The following CACNA2D1 variants were observed in gnomAD, a reference collection of about 807,000 sequenced individuals.
The protein encoded by CACNA2D1 is voltage-dependent calcium channel subunit alpha-2/delta-1.
In CACNA2D1, 53 loss-of-function variants were observed where a neutral mutation model predicts 171.5. The ratio of observed to expected loss-of-function variants is 0.31; its 90% CI spans 0.25 to 0.39. The LOEUF (loss-of-function observed/expected upper bound fraction) is 0.39. CACNA2D1 is among the 10% of genes least tolerant of loss of function. The probability of loss-of-function intolerance (pLI) is 1.00; values close to 1 mark genes in which losing one functional copy is unlikely to be tolerated. For synonymous variants in CACNA2D1, 442 were observed against 443.1 expected, an observed-to-expected ratio of 1.00 and a Z score of 0.03; for missense variants, 903 against 1,299.8, an observed-to-expected ratio of 0.69 and a Z score of 4.69.
intron 31 of CACNA2D1, 52 bp downstream of exon 31, chr7:81,967,117 A>C (rs1289888214): frequency 7.3e-7 from 1 of 1,360,822 alleles, no homozygotes; most frequent in Non-Finnish European, 1.0e-6. Context: ...TCTTAGCAAG[A>C]GTAACACAAG....
intron 15 of CACNA2D1, among the ~76,000 whole-genome samples, chr7:82,008,098 T>C (rs896648601): frequency 2.0e-5 from 3 of 152,148 alleles, no homozygotes. Context: ...ATAGTTCACC[T>C]AATATCAGGG....
At chr7:81,972,419 T>C (rs1795374869) in intron 25 of CACNA2D1, among the ~76,000 whole-genome samples, 1 of 151,742 alleles carries the variant, frequency 6.6e-6, no homozygotes, top group Admixed American at 6.6e-5. Flanking sequence ...TTGGAGTAAA[T>C]AAGACTATGA....
intron 10 of CACNA2D1, among the ~76,000 whole-genome samples, chr7:82,045,917 C>T (rs576615784): frequency 7.2e-5 from 11 of 152,188 alleles, no homozygotes; most frequent in African/African-American, 2.4e-4. Context: ...TTCCCTGACG[C>T]ACTTTTCTCT....
intron 12 of CACNA2D1, among the ~76,000 whole-genome samples, chr7:82,032,273 A>G (rs187359077): frequency 6.6e-6 from 1 of 152,020 alleles, no homozygotes; most frequent in Non-Finnish European, 1.5e-5. Context: ...CATTATACCT[A>G]TAAAAGGATT....
intron 1 of CACNA2D1, among the ~76,000 whole-genome samples, chr7:82,382,035 A>C (rs549525877): frequency 2.0e-5 from 3 of 152,216 alleles, no homozygotes; most frequent in Admixed American, 6.5e-5. Flanking sequence ...TAAGAAAAAA[A>C]CATATCAGGG....
At chr7:82,109,338 A>G (rs1347888623) in intron 6 of CACNA2D1, among the ~76,000 whole-genome samples, 1 of 152,150 alleles carries the variant, frequency 6.6e-6, no homozygotes, top group African/African-American at 2.4e-5. Flanking sequence ...CACACTTGTG[A>G]CAAATACCAA....
At chr7:82,100,844 G>A (rs554900532) in intron 6 of CACNA2D1, among the ~76,000 whole-genome samples, 1 of 148,188 alleles carries the variant, frequency 6.7e-6, no homozygotes, top group African/African-American at 2.5e-5. Flanking sequence ...TTTTTTTTCT[G>A]GCAAATGCTG....
intron 21 of CACNA2D1, among the ~76,000 whole-genome samples, chr7:81,985,094 C>T (rs1430996241): frequency 6.6e-6 from 1 of 151,554 alleles, no homozygotes; most frequent in African/African-American, 2.4e-5. Flanking sequence ...ATACATAATA[C>T]CATTTGGACA....
chr7:82,085,431 A>G (rs1810338989), intron 6 of CACNA2D1, among the ~76,000 whole-genome samples: 1 of 151,864 alleles, frequency 6.6e-6, no homozygotes, highest in Non-Finnish European at 1.5e-5. Context: ...GAGGAAACCT[A>G]TGGGGCACCT....
chr7:82,399,141 C>G (rs1037351751), intron 1 of CACNA2D1, among the ~76,000 whole-genome samples: 3 of 151,898 alleles, frequency 2.0e-5, no homozygotes, highest in Non-Finnish European at 4.4e-5. Flanking sequence ...AAAAGGAACT[C>G]TTGTTTCCAC....
intron 3 of CACNA2D1, among the ~76,000 whole-genome samples, chr7:82,306,857 C>T (rs1194170398): frequency 2.2e-5 from 3 of 137,526 alleles, no homozygotes; most frequent in African/African-American, 8.7e-5. Flanking sequence ...AGCTCTCTTA[C>T]TGGTATCTAC....
chr7:82,274,143 C>T (rs1215720327), intron 3 of CACNA2D1, among the ~76,000 whole-genome samples: 1 of 152,090 alleles, frequency 6.6e-6, no homozygotes, highest in Non-Finnish European at 1.5e-5. Flanking sequence ...AGAGCCTGCG[C>T]ACTAACCCCT....
rs139439725 is a variant in CACNA2D1, at chr7:82,007,714, T to C, written c.1405A>G (p.Ile469Val). 1.2e-4 allele frequency: 190 copies of C among 1,600,974 alleles called. 1 individual carries two copies. Among genetic ancestry groups the C allele is most frequent in the Non-Finnish European group, 5.2e-5 (61 of 1,168,350 alleles). ...GTCTTATTTTCAAATTGGCCGGTTA[T>C]GTTGAAGACCGGAAGAGTTCCAGTA... ...VITGTLPVFN[I>V]TGQFENKTNL... The change falls in exon 16 of 39, where the codon ATA becomes GTA. Residue 469 changes from isoleucine to valine, a missense_variant. By Grantham distance (29) the Ile-to-Val change is conservative. This residue lies in a region of CACNA2D1 where 623 missense variants were observed against 925.5 expected (regional missense o/e 0.67). Coordinates refer to ENST00000356860, the MANE Select transcript of CACNA2D1 (RefSeq NM_000722.4).
At chr7:82,256,526 G>T (rs1430885325) in intron 3 of CACNA2D1, among the ~76,000 whole-genome samples, 3 of 152,094 alleles carry the variant, frequency 2.0e-5, no homozygotes, top group Non-Finnish European at 4.4e-5. Flanking sequence ...TGTAATCATT[G>T]CATGCCTACA....
chr7:82,201,058 A>G (rs1799377038), intron 3 of CACNA2D1, among the ~76,000 whole-genome samples: 2 of 152,194 alleles, frequency 1.3e-5, no homozygotes, highest in African/African-American at 4.8e-5. Context: ...AGGTGACTCT[A>G]TTCATTTCTA....
At chr7:82,181,090 T>G (rs1308914009) in intron 3 of CACNA2D1, among the ~76,000 whole-genome samples, 2 of 116,808 alleles carry the variant, frequency 1.7e-5, no homozygotes, top group African/African-American at 6.9e-5. Context: ...GTCAGTGAGA[T>G]GAGAAACAAG....
At chr7:82,324,739 G>A (rs1473023570) in intron 3 of CACNA2D1, among the ~76,000 whole-genome samples, 1 of 152,112 alleles carries the variant, frequency 6.6e-6, no homozygotes, top group African/African-American at 2.4e-5. Flanking sequence ...CACTTAAGCA[G>A]TAATCTGCTT....
intron 3 of CACNA2D1, among the ~76,000 whole-genome samples, chr7:82,177,399 G>A (rs900896767): frequency 6.6e-6 from 1 of 151,838 alleles, no homozygotes; most frequent in Non-Finnish European, 1.5e-5. Context: ...CTTGCTAATA[G>A]GCTACATGCA....
chr7:82,405,495 T>A (rs556195946), intron 1 of CACNA2D1, among the ~76,000 whole-genome samples: 1 of 152,236 alleles, frequency 6.6e-6, no homozygotes, highest in East Asian at 1.9e-4. Flanking sequence ...AACACTGATC[T>A]TACAGGAGGC....
Sources: gnomAD v4.1 joint callset for allele counts (sites outside exome capture counted in the v4.1 genomes callset) on GRCh38, gnomAD v4.1.1 for gene constraint, gnomAD v4.1.1 regional missense constraint, MANE v1.5 for transcripts, NCBI Gene and HGNC (gene_info 2026-07-23, HGNC 2026-07-21) for gene names.